BTNL8: variants seen among roughly 807,000 people sequenced by gnomAD.
The protein encoded by BTNL8 is butyrophilin-like protein 8.
A neutral mutation model predicts 36.1 loss-of-function variants in BTNL8; 22 were observed. The observed-to-expected ratio is 0.61, with a 90% confidence interval of 0.44 to 0.87. The LOEUF is 0.87. BTNL8 is among the 40% of genes least tolerant of loss of function. The pLI is 0.00. For missense variants in BTNL8, 526 were observed against 616.9 expected (o/e 0.85, Z 1.56); for synonymous variants, 203 against 235.6 (o/e 0.86, Z 1.27).
intron 1 of BTNL8, among the ~76,000 whole-genome samples, chr5:180,902,187 G>T (rs909354311): frequency 9.3e-5 from 14 of 150,700 alleles, no homozygotes; most frequent in African/African-American, 2.7e-4. Flanking sequence ...GGATGTTTGG[G>T]TTTTTTTTTT....
chr5:180,948,419 C>A, intron 5 of BTNL8, 44 bp downstream of exon 5: 1 of 1,559,448 alleles, frequency 6.4e-7, no homozygotes, highest in Non-Finnish European at 8.8e-7. Flanking sequence ...ATGGTTCTCC[C>A]GGGTCCCTCC....
rs375445903 is a variant in BTNL8, at chr5:180,911,627, GGGA to G, written c.673+18_673+20del. ...GTACAGATAGGAGGTGAGTAGGGAG[GGGA>G]GGAGAAGAGAAGGAGGGGTGGATGC... On this transcript the variant is annotated intron_variant, in intron 3 of 7. Transcript: ENST00000340184. 5.3e-5 allele frequency: 84 copies of G among 1,593,230 alleles called. No individual in the cohort carries two copies. In the African/African-American group the frequency reaches 9.6e-4, roughly 18 times the overall value.
intron 3 of BTNL8, among the ~76,000 whole-genome samples, chr5:180,914,799 T>C (rs925449705): frequency 6.6e-6 from 1 of 152,130 alleles, no homozygotes; most frequent in East Asian, 1.9e-4. Flanking sequence ...GGAAGCCACT[T>C]GAGAGGTTCC....
intron 5 of BTNL8, chr5:180,948,650 T>G (rs966211365): frequency 4.6e-6 from 4 of 875,594 alleles, no homozygotes; most frequent in Non-Finnish European, 6.7e-6. Context: ...GGGAAGGTGT[T>G]GATCATGAGC....
intron 3 of BTNL8, among the ~76,000 whole-genome samples, chr5:180,917,609 TA>T (rs33957731): frequency 5.3e-5 from 8 of 151,436 alleles, no homozygotes. Context: ...CAGAATAATT[TA>T]AAAAAAATAC....
Position 180,911,574 on chromosome 5 carries a change from T to C in BTNL8, c.633T>C (p.Ala211=). The change falls in exon 3 of 8, where the codon GCT becomes GCC. Residue 211 remains alanine (A), a synonymous_variant. Coordinates refer to ENST00000340184, the MANE Select transcript of BTNL8 (RefSeq NM_001040462.3). ...AGSISCSMRH[A]HLSREVESRV... Reference sequence around the variant, plus strand: ...GCATATCCTGTTCCATGCGGCATGCTCATCTGAGCCGAGAGGTGGAATCCA... The same window carrying C: ...GCATATCCTGTTCCATGCGGCATGCCCATCTGAGCCGAGAGGTGGAATCCA... 1 of 1,613,744 alleles carries C rather than the reference T, an allele frequency of 6.2e-7. No individual in the cohort carries two copies. The highest frequency in any genetic ancestry group is 2.2e-5 in the East Asian group (1 of 44,862).
intron 3 of BTNL8, chr5:180,945,753 A>G: frequency 2.0e-6 from 1 of 499,382 alleles, no homozygotes; most frequent in Non-Finnish European, 4.0e-6. Context: ...TCCTGAGAGC[A>G]AGATGGGTCA....
rs1759322190 is a variant in BTNL8 at position 180,947,531 on chromosome 5, A to G, written c.693A>G (p.Ile231Met). 2.5e-6 allele frequency: 4 copies of G among 1,613,718 alleles called. No homozygotes were observed. In the Admixed American group the frequency reaches 5.0e-5, roughly 20 times the overall value. The change falls in exon 4 of 8, where the codon ATA (isoleucine) becomes ATG (methionine). Residue 231 changes from isoleucine (I) to methionine (M), a missense_variant. Physicochemically the swap from Ile to Met is conservative, Grantham distance 10 (BLOSUM62 1). This residue lies in a region of BTNL8 where 350 missense variants were observed against 324.6 expected (regional missense o/e 1.08). Coordinates refer to ENST00000340184, the MANE Select transcript of BTNL8 (RefSeq NM_001040462.3). ...VQIGDTFFEP[I>M]SWHLATKVLG... Reference sequence around the variant, plus strand: ...TTTCAGATACCTTTTTCGAGCCTATATCGTGGCACCTGGCTACCAAAGTAC... The same window carrying G: ...TTTCAGATACCTTTTTCGAGCCTATGTCGTGGCACCTGGCTACCAAAGTAC...
intron 3 of BTNL8, among the ~76,000 whole-genome samples, chr5:180,927,469 T>A (rs1758158332): frequency 6.6e-6 from 1 of 152,044 alleles, no homozygotes; most frequent in African/African-American, 2.4e-5. Flanking sequence ...CAAAACCGGA[T>A]GGAGAATGAG....
rs1299546284 is a variant in BTNL8, at chr5:180,907,269, C to A, written c.50-1317C>A. 4.9e-5 allele frequency among the ~76,000 whole-genome samples: 6 copies of A among 123,108 alleles called. 1 individual carries two copies. The highest frequency in any genetic ancestry group is 9.8e-5 in the Non-Finnish European group (6 of 61,354). The allele number at this position is 123,108 out of a possible 152,430, so 80.8% of individuals were successfully genotyped here. On this transcript the variant is annotated intron_variant, in intron 1 of 7. Transcript: ENST00000340184. ...ACTTCCCTTCTTGCTTCATTTCATT[C>A]ATTTCATCTTCCATCGCTGATACCC...
chr5:180,935,801 T>C lies in BTNL8; in HGVS notation c.674-11711T>C, dbSNP rs1041079861. On this transcript the variant is annotated intron_variant, in intron 3 of 7. Transcript: ENST00000340184. This position sits in a 1 kb window ranked among gnomAD's most constrained non-coding sequence, Gnocchi z 4.8. ...CACACCTCCCCTGCTGCAGCCAGCA[T>C]CTTCACAGCAACTGCTCCAGACAGG... Among the ~76,000 whole-genome samples, 17 of 147,568 alleles carry C rather than the reference T, an allele frequency of 1.2e-4. No homozygotes were observed. Among genetic ancestry groups the C allele is most frequent in the Non-Finnish European group, 1.8e-4 (12 of 66,610 alleles).
intron 3 of BTNL8, among the ~76,000 whole-genome samples, chr5:180,921,018 A>G (rs1757839597): frequency 6.6e-6 from 1 of 152,102 alleles, no homozygotes; most frequent in African/African-American, 2.4e-5. Context: ...TCCTTAAAAA[A>G]ATACAAATAG....
At position 180,949,877 on chromosome 5, in the gene BTNL8, C is replaced by T. The variant is rs201316170; in HGVS notation, c.863-27C>T. 3.0e-3 allele frequency: 4,351 copies of T among 1,433,658 alleles called. 941 individuals are homozygous for T. Among genetic ancestry groups the T allele is most frequent in the Admixed American group, 4.3e-3 (222 of 51,404 alleles). The allele number at this position is 1,433,658 out of a possible 1,614,324, so 88.8% of individuals were successfully genotyped here. On this transcript the variant is annotated intron_variant, in intron 7 of 7. Transcript: ENST00000340184. ...CAGATTTCGTCTTCAGTAACTCATG[C>T]TTCCTCTCTCCCCCACCGCACCCCA... is the stretch of plus-strand genomic sequence containing the variant.
At chr5:180,949,734 G>C (rs1759456935) in intron 7 of BTNL8, 170 bp from the exon 8 acceptor site, 1 of 830,938 alleles carries the variant, frequency 1.2e-6, no homozygotes, top group Non-Finnish European at 1.8e-6. Flanking sequence ...AGTCCTCCAG[G>C]CTGCACTGGT....
chr5:180,948,224 A>C lies in BTNL8; in HGVS notation c.788-131A>C. Reference sequence around the variant, plus strand: ...CCGTGCAGGAGCTGGGGAGACGAGCACATATAAGTGTCCTAGGAGAGGCCC... The same window carrying C: ...CCGTGCAGGAGCTGGGGAGACGAGCCCATATAAGTGTCCTAGGAGAGGCCC... On this transcript the variant is annotated intron_variant, in intron 4 of 7. Transcript: ENST00000340184. The C allele has an allele frequency of 1.6e-6, 2 of 1,286,478 alleles. 1 individual carries two copies. Among genetic ancestry groups the C allele is most frequent in the Non-Finnish European group, 2.2e-6 (2 of 912,946 alleles). 79.7% of individuals were successfully genotyped at this position (1,286,478 alleles called of 1,614,324 possible). A position where few individuals can be genotyped will look rare whatever the true frequency, so the allele number is the denominator to read the frequency against.
chr5:180,907,840 G>A (rs1287944520), intron 1 of BTNL8, among the ~76,000 whole-genome samples: 1 of 151,088 alleles, frequency 6.6e-6, no homozygotes, highest in Non-Finnish European at 1.5e-5. Context: ...CGGGGGTCAG[G>A]GGTCAGGGAC....
At position 180,945,113 on chromosome 5, in the gene BTNL8, C is replaced by T. The variant is rs562927272; in HGVS notation, c.674-2399C>T. Among the ~76,000 whole-genome samples, 22 of 152,278 alleles carry T rather than the reference C, an allele frequency of 1.4e-4. No individual in the cohort carries two copies. In the East Asian group the frequency reaches 2.9e-3, roughly 20 times the overall value. On this transcript the variant is annotated intron_variant, in intron 3 of 7. Transcript: ENST00000340184. Reference sequence around the variant, plus strand: ...AAACGTCCTGGGGCTGGCACAAAAGCGGACACATCACTCAATGGAACAGGA... The same window carrying T: ...AAACGTCCTGGGGCTGGCACAAAAGTGGACACATCACTCAATGGAACAGGA...
chr5:180,908,819 G>A lies in BTNL8; in HGVS notation c.283G>A (p.Gly95Arg), dbSNP rs747377512. The change falls in exon 2 of 8, where the codon GGG becomes AGG. Residue 95 changes from glycine (G) to arginine (R), a missense_variant. Physicochemically the swap from Gly to Arg is moderately radical, Grantham distance 125 (BLOSUM62 -2). This residue lies in a region of BTNL8 where 350 missense variants were observed against 324.6 expected (regional missense o/e 1.08). Coordinates refer to ENST00000340184, the MANE Select transcript of BTNL8 (RefSeq NM_001040462.3). ...ACTGGTGAAGGATTCTATTGCGGAGGGGCGCATCTCTCTGAGGCTGGAAAA... is the reference window on the plus strand; with the variant it reads ...ACTGGTGAAGGATTCTATTGCGGAGAGGCGCATCTCTCTGAGGCTGGAAAA... ...TKLVKDSIAE[G>R]RISLRLENIT... is the part of the protein sequence containing the mutation. The A allele has an allele frequency of 1.2e-6, 2 of 1,614,158 alleles. No homozygotes were observed. The highest frequency in any genetic ancestry group is 1.7e-6 in the Non-Finnish European group (2 of 1,180,024).
At chr5:180,907,797 C>T (rs1317370606) in intron 1 of BTNL8, among the ~76,000 whole-genome samples, 4 of 151,768 alleles carry the variant, frequency 2.6e-5, no homozygotes, top group East Asian at 3.9e-4. Flanking sequence ...GTCAGTGTGC[C>T]CCTGCTGGGG....
Sources: allele counts gnomAD v4.1 joint callset (sites outside exome capture counted in the v4.1 genomes callset), GRCh38; gene constraint gnomAD v4.1.1; regional missense constraint gnomAD v4.1.1; non-coding constraint Gnocchi (gnomAD v3.1); transcripts MANE v1.5; gene names NCBI Gene and HGNC (gene_info 2026-07-23, HGNC 2026-07-21).